Variants in ACER2 observed in about 807,000 individuals in gnomAD.
ACER2 encodes the protein alkaline ceramidase 2.
ACER2 carries 26 observed loss-of-function variants against 34.7 expected under a neutral mutation model. The observed-to-expected ratio is 0.75, with a 90% confidence interval of 0.55 to 1.04. The LOEUF is 1.04. ACER2 is among the 50% of genes least tolerant of loss of function. The pLI is 0.00. For missense variants in ACER2, 352 were observed against 340.8 expected (o/e 1.03, Z -0.26); for synonymous variants, 138 against 132.1 (o/e 1.04, Z -0.31).
At chr9:19,442,684 T>A (rs1412434220) in intron 4 of ACER2, among the ~76,000 whole-genome samples, 3 of 152,266 alleles carry the variant, frequency 2.0e-5, no homozygotes, top group Non-Finnish European at 4.4e-5. Flanking sequence ...TTTCACTGGA[T>A]GTTCATAGAT....
At chr9:19,421,916 G>C (rs1215109252) in intron 1 of ACER2, among the ~76,000 whole-genome samples, 1 of 152,156 alleles carries the variant, frequency 6.6e-6, no homozygotes, top group Non-Finnish European at 1.5e-5. Flanking sequence ...CACAGGAAAT[G>C]TGCCTAGCCC....
In ACER2 at chr9:19,435,017, A is replaced by G. The variant is rs549545615; in HGVS notation, c.436A>G (p.Ile146Val). ...GTGCCTGGCATTTGTCAAGCCTGCC[A>G]TCAACAACATCTCTCTGATGACCCT... The part of the protein sequence containing the change: ...TTCLAFVKPA[I>V]NNISLMTLGV... Residue 146 changes from isoleucine to valine, a missense_variant, in exon 4 of 6, where the codon ATC (isoleucine) becomes GTC (valine). By Grantham distance (29) the Ile-to-Val change is conservative. Transcript: ENST00000340967. 4.3e-6 allele frequency: 7 copies of G among 1,614,178 alleles called. No individual in the cohort carries two copies. In the African/African-American group the frequency reaches 8.0e-5, roughly 18 times the overall value.
At chr9:19,409,817 G>T in intron 1 of ACER2, 2 of 985,352 alleles carry the variant, frequency 2.0e-6, no homozygotes, top group South Asian at 4.7e-5. Context: ...CCCCAGGACT[G>T]TGCTTTCTCC....
chr9:19,434,313 C>G (rs1830878613), intron 3 of ACER2, among the ~76,000 whole-genome samples: 1 of 151,128 alleles, frequency 6.6e-6, no homozygotes, highest in Admixed American at 6.6e-5. Flanking sequence ...AGAGGGGCTC[C>G]TCACATCCCA....
intron 3 of ACER2, among the ~76,000 whole-genome samples, chr9:19,432,276 T>G (rs913598469): frequency 6.6e-6 from 1 of 152,246 alleles, no homozygotes; most frequent in African/African-American, 2.4e-5. Flanking sequence ...AATTTTTTCT[T>G]AAAACTTTTT....
chr9:19,437,940 T>G (rs1831026650), intron 4 of ACER2, among the ~76,000 whole-genome samples: 2 of 152,252 alleles, frequency 1.3e-5, no homozygotes, highest in Non-Finnish European at 2.9e-5. Context: ...GATGTTGTGT[T>G]CTCAAAGGCA....
At chr9:19,438,468 T>C (rs1469052155) in intron 4 of ACER2, among the ~76,000 whole-genome samples, 1 of 152,252 alleles carries the variant, frequency 6.6e-6, no homozygotes, top group African/African-American at 2.4e-5. Flanking sequence ...TTTGTGGACC[T>C]GGAGGGACTG....
Position 19,450,330 on chromosome 9 carries a change from C to T in ACER2, c.642-120C>T, listed in dbSNP as rs533694017. 8.9e-5 allele frequency: 122 copies of T among 1,368,380 alleles called. No individual in the cohort carries two copies. In the African/African-American group the frequency reaches 1.6e-3, roughly 18 times the overall value. 84.8% of individuals were successfully genotyped at this position (1,368,380 alleles called of 1,614,324 possible). A position where few individuals can be genotyped will look rare whatever the true frequency, so the allele number is the denominator to read the frequency against. ...CATCCTTTCCTAATTAGAAGAGGCC[C>T]CTGGGCTGCAACTACAGTCAGCAAG... On this transcript the variant is annotated intron_variant, in intron 5 of 5. Transcript: ENST00000340967.
At chr9:19,416,483 T>G (rs1830243162) in intron 1 of ACER2, among the ~76,000 whole-genome samples, 3 of 152,206 alleles carry the variant, frequency 2.0e-5, no homozygotes, top group Admixed American at 1.3e-4. Flanking sequence ...CCCTCAGCTA[T>G]ATCCCTTTGT....
At chr9:19,444,925 C>T (rs569151845) in intron 4 of ACER2, among the ~76,000 whole-genome samples, 218 of 152,314 alleles carry the variant, frequency 1.4e-3, no homozygotes, top group African/African-American at 4.9e-3. Flanking sequence ...TTGAACAGGT[C>T]TTTCTGAACC....
At chr9:19,444,534 A>C (rs1563891608) in intron 4 of ACER2, among the ~76,000 whole-genome samples, 1 of 152,158 alleles carries the variant, frequency 6.6e-6, no homozygotes, top group African/African-American at 2.4e-5. Flanking sequence ...TGTTTTAAGA[A>C]AGTTTACAAA....
rs1830512035 is a variant in ACER2 at position 19,424,847 on chromosome 9, C to G, written c.365+6C>G. 1.9e-6 allele frequency: 3 copies of G among 1,614,112 alleles called. No individual in the cohort carries two copies. Among genetic ancestry groups the G allele is most frequent in the East Asian group, 4.5e-5 (2 of 44,888 alleles). ...AAGATCTTTCGGAATGACCGGTAAG[C>G]TTGCACTAAACATTATTGCATTTAC... On this transcript the variant is annotated splice_donor_region_variant and intron_variant, in intron 3 of 5. Coordinates refer to ENST00000340967, the MANE Select transcript of ACER2 (RefSeq NM_001010887.3).
At chr9:19,424,294 T>G in intron 2 of ACER2, 2 of 916,116 alleles carry the variant, frequency 2.2e-6, no homozygotes, top group Non-Finnish European at 2.6e-6. Flanking sequence ...GGACTAAAAT[T>G]AAAGAAAAAA....
intron 1 of ACER2, among the ~76,000 whole-genome samples, chr9:19,413,017 G>A (rs1322038483): frequency 6.6e-6 from 1 of 152,192 alleles, no homozygotes; most frequent in South Asian, 2.1e-4. Flanking sequence ...GGATTGCTGT[G>A]TCAAGGAGGA....
At chr9:19,449,873 C>G (rs1343305924) in intron 5 of ACER2, among the ~76,000 whole-genome samples, 1 of 127,620 alleles carries the variant, frequency 7.8e-6, no homozygotes, top group Non-Finnish European at 1.6e-5. Context: ...GCCTGGATGA[C>G]AGGGTGAGAC....
chr9:19,441,845 C>T (rs948245541), intron 4 of ACER2, among the ~76,000 whole-genome samples: 1 of 152,136 alleles, frequency 6.6e-6, no homozygotes, highest in Non-Finnish European at 1.5e-5. Context: ...AAAGGATGCC[C>T]TTATTGCTCT....
At chr9:19,435,433 G>A (rs12336186) in intron 4 of ACER2, among the ~76,000 whole-genome samples, 25,010 of 152,220 alleles carry the variant, frequency 0.16, 2,686 homozygotes, top group Non-Finnish European at 0.24. Flanking sequence ...AGAGGAAGGG[G>A]GCAGGGAAAG....
intron 5 of ACER2, chr9:19,446,719 T>TAGCTA: frequency 1.2e-6 from 1 of 829,376 alleles, no homozygotes; most frequent in Non-Finnish European, 1.5e-6. Flanking sequence ...ACCTGTAACC[T>TAGCTA]GAGCTCTAGC....
intron 4 of ACER2, among the ~76,000 whole-genome samples, chr9:19,436,540 T>C (rs376785871): frequency 1.6e-5 from 2 of 124,772 alleles, no homozygotes; most frequent in East Asian, 4.6e-4. Flanking sequence ...CTTTGCCATC[T>C]TTAAAAAAAA....
Sources: allele counts gnomAD v4.1 joint callset (sites outside exome capture counted in the v4.1 genomes callset), GRCh38; gene constraint gnomAD v4.1.1; transcripts MANE v1.5; gene names NCBI Gene and HGNC (gene_info 2026-07-23, HGNC 2026-07-21).